GRK7: variants seen among roughly 807,000 people sequenced by gnomAD.
The protein encoded by GRK7 is G protein-coupled receptor kinase 7, also known as rhodopsin kinase GRK7.
In GRK7, 24 loss-of-function variants were observed where a neutral mutation model predicts 34.1. The ratio of observed to expected loss-of-function variants is 0.70; its 90% CI spans 0.51 to 0.99. The LOEUF (loss-of-function observed/expected upper bound fraction) is 0.99, where lower values mean the gene tolerates loss of function less well. Among genes scored for constraint, GRK7 ranks in the 50% least tolerant of loss-of-function variants. GRK7 has a pLI of 0.00. For synonymous variants in GRK7, 256 were observed against 279.4 expected (o/e 0.92, Z 0.84); for missense variants, 644 against 707.3 (o/e 0.91, Z 1.02).
chr3:141,816,962 G>A lies in GRK7; in HGVS notation c.1574G>A (p.Gly525Glu), dbSNP rs1176959843. The change falls in exon 6 of 6, where the codon GGA becomes GAA. Residue 525 changes from glycine (G) to glutamate (E), a missense_variant. Gly to Glu is a moderately conservative substitution (Grantham distance 98, BLOSUM62 -2). Coordinates refer to ENST00000682958, the MANE Select transcript of GRK7 (RefSeq NM_139209.3). ...TGGCAGGAAGAAATTATAGAAACGG[G>A]ACTGTTTGAGGAACTGAATGACCCC... The part of the protein sequence containing the change: ...IAWQEEIIET[G>E]LFEELNDPNR... 33 of 1,614,002 alleles carry A rather than the reference G, an allele frequency of 2.0e-5. No homozygotes were observed. Among genetic ancestry groups the A allele is most frequent in the Non-Finnish European group, 2.6e-5 (31 of 1,180,008 alleles).
At chr3:141,795,727 C>T (rs1054695348) in intron 4 of GRK7, among the ~76,000 whole-genome samples, 2 of 151,858 alleles carry the variant, frequency 1.3e-5, no homozygotes, top group Non-Finnish European at 2.9e-5. Flanking sequence ...ATTACTTGAG[C>T]CTAGCAGATG....
At chr3:141,773,616 G>A (rs1001511445) in intron 1 of GRK7, among the ~76,000 whole-genome samples, 12 of 152,154 alleles carry the variant, frequency 7.9e-5, no homozygotes, top group Non-Finnish European at 8.8e-5. Context: ...GGGTTTCACC[G>A]TGTTAGCCAG....
chr3:141,782,203 T>C (rs952497165), intron 4 of GRK7, among the ~76,000 whole-genome samples: 8 of 152,158 alleles, frequency 5.3e-5, no homozygotes, highest in African/African-American at 7.2e-5. Flanking sequence ...AGATGGTAGG[T>C]GGGGACATCA....
chr3:141,796,057 A>T (rs370815178), intron 4 of GRK7, among the ~76,000 whole-genome samples: 6 of 152,334 alleles, frequency 3.9e-5, no homozygotes, highest in African/African-American at 1.4e-4. Flanking sequence ...GATCATGCGC[A>T]GCTGATGAAA....
chr3:141,798,693 AG>A (rs1417329047), intron 4 of GRK7, among the ~76,000 whole-genome samples: 3 of 152,192 alleles, frequency 2.0e-5, no homozygotes, highest in Non-Finnish European at 4.4e-5. Context: ...TACTCTGAGG[AG>A]GCAGTTCACA....
intron 4 of GRK7, among the ~76,000 whole-genome samples, chr3:141,804,855 A>G (rs1346749440): frequency 6.6e-6 from 1 of 151,670 alleles, no homozygotes; most frequent in Non-Finnish European, 1.5e-5. Context: ...ATACACATAC[A>G]CGCTCTCATA....
At chr3:141,781,326 C>T (rs567641130) in intron 4 of GRK7, among the ~76,000 whole-genome samples, 2 of 152,120 alleles carry the variant, frequency 1.3e-5, no homozygotes, top group South Asian at 4.1e-4. Flanking sequence ...CTGCTGAGGT[C>T]AGGAGTTTGA....
chr3:141,772,505 T>C (rs1320797898), intron 1 of GRK7, among the ~76,000 whole-genome samples: 3 of 152,252 alleles, frequency 2.0e-5, no homozygotes. Context: ...ACTTCCTAAT[T>C]CTTGATCTTC....
rs796539386 is a variant in GRK7 at position 141,789,663 on chromosome 3, A to AAAAAAAAACAAAAAAAC, written c.1050+8859_1050+8860insACAAAAAAACAAAAAAA. 1.2e-4 allele frequency among the ~76,000 whole-genome samples: 17 copies of AAAAAAAAACAAAAAAAC among 146,872 alleles called. No homozygotes were observed. In the South Asian group the frequency reaches 1.3e-3, roughly 11 times the overall value. ...GACTGGATGCCAAATGGGCAAAAAA[A>AAAAAAAAACAAAAAAAC]AAAAAAACACAAAACAGTGGAGGCC... On this transcript the variant is annotated intron_variant, in intron 4 of 5. Transcript: ENST00000682958.
the GRK7 span, among the ~76,000 whole-genome samples, chr3:141,755,532 A>G: frequency 6.6e-6 from 1 of 152,238 alleles, no homozygotes; most frequent in African/African-American, 2.4e-5. Context: ...AAAAGAATTG[A>G]AAAGATGTTT....
chr3:141,812,768 T>C (rs1173622604), intron 5 of GRK7, among the ~76,000 whole-genome samples: 1 of 152,194 alleles, frequency 6.6e-6, no homozygotes, highest in African/African-American at 2.4e-5. Context: ...ATGTAAAGAC[T>C]GGTCTGGCAA....
chr3:141,755,273 T>G, the GRK7 span, among the ~76,000 whole-genome samples: 1 of 152,112 alleles, frequency 6.6e-6, no homozygotes, highest in Non-Finnish European at 1.5e-5. Flanking sequence ...GAGGCTCTGG[T>G]GGAAGGATCA....
intron 2 of GRK7, among the ~76,000 whole-genome samples, chr3:141,777,925 C>A (rs2084647965): frequency 6.6e-6 from 1 of 152,140 alleles, no homozygotes; most frequent in Non-Finnish European, 1.5e-5. Flanking sequence ...AATTAGATGA[C>A]AACGGTATGA....
intron 4 of GRK7, among the ~76,000 whole-genome samples, chr3:141,790,088 G>A (rs969887622): frequency 2.1e-4 from 32 of 152,238 alleles, no homozygotes; most frequent in African/African-American, 6.7e-4. Flanking sequence ...TGCAACCTCC[G>A]TCTCCCAGGT....
Position 141,803,104 on chromosome 3 carries a change from A to G in GRK7, c.1051-4541A>G, listed in dbSNP as rs536908522. 2.6e-5 allele frequency among the ~76,000 whole-genome samples: 4 copies of G among 152,268 alleles called. No homozygotes were observed. The South Asian group carries it at 8.3e-4, about 32-fold the overall frequency. On this transcript the variant is annotated intron_variant, in intron 4 of 5. Coordinates refer to ENST00000682958, the MANE Select transcript of GRK7 (RefSeq NM_139209.3). Reference sequence around the variant, plus strand: ...ACATTTTTAACAGCTTTACTGAGATATAATTTAACTACTATAAAAACCATG... The same window carrying G: ...ACATTTTTAACAGCTTTACTGAGATGTAATTTAACTACTATAAAAACCATG...
In GRK7 at chr3:141,778,650, G is replaced by T. The variant is rs200056259; in HGVS notation, c.366G>T (p.Pro122=). The T allele has an allele frequency of 6.2e-7, 1 of 1,613,158 alleles. No homozygotes were observed. The highest frequency in any genetic ancestry group is 1.1e-5 in the South Asian group (1 of 90,934). Residue 122 remains proline (P), a synonymous_variant, in exon 3 of 6, where the codon CCG becomes CCT. Coordinates refer to ENST00000682958, the MANE Select transcript of GRK7 (RefSeq NM_139209.3). The surrounding 1 kb of genome is among the most constrained non-coding windows in gnomAD (Gnocchi z 4.1). ...CGAGTGCCCCTGCCCCGGGGAACCC[G>T]CAACCCTTCCTCAGCCAGGCCGTGG... ...TCASAPAPGN[P]QPFLSQAVAT... is the part of the protein sequence containing the mutation.
intron 5 of GRK7, among the ~76,000 whole-genome samples, chr3:141,814,458 T>A (rs1711126862): frequency 6.6e-6 from 1 of 152,214 alleles, no homozygotes. Context: ...CTCCCACTTA[T>A]AAGTGAAAAC....
In GRK7 at chr3:141,816,698, T is replaced by A. The variant is rs1477880689; in HGVS notation, c.1326-16T>A. ...TGTTAACTCTGTCTCAGGCTGATCA[T>A]CTCCTTTCTTCACAGAGAAAAGTCT... On this transcript the variant is annotated splice_polypyrimidine_tract_variant and intron_variant, in intron 5 of 5. Coordinates refer to ENST00000682958, the MANE Select transcript of GRK7 (RefSeq NM_139209.3). The A allele has an allele frequency of 1.4e-6, 2 of 1,480,752 alleles. No homozygotes were observed. The highest frequency in any genetic ancestry group is 1.8e-6 in the Non-Finnish European group (2 of 1,101,568). The allele number at this position is 1,480,752 out of a possible 1,614,324, so 91.7% of individuals were successfully genotyped here. A position where few individuals can be genotyped will look rare whatever the true frequency, so the allele number is the denominator to read the frequency against.
In GRK7 at chr3:141,790,618, C is replaced by T. The variant is rs556519965; in HGVS notation, c.1050+9807C>T. 2.7e-5 allele frequency among the ~76,000 whole-genome samples: 4 copies of T among 149,258 alleles called. No homozygotes were observed. In the South Asian group the frequency reaches 8.4e-4, roughly 31 times the overall value. On this transcript the variant is annotated intron_variant, in intron 4 of 5. Coordinates refer to ENST00000682958, the MANE Select transcript of GRK7 (RefSeq NM_139209.3). Reference sequence around the variant, plus strand: ...TTGCTCTGTTGCCCAGGCTGGAGTGCAATGGCACAATCTTGGCTCACTGCG... The same window carrying T: ...TTGCTCTGTTGCCCAGGCTGGAGTGTAATGGCACAATCTTGGCTCACTGCG...
Sources: gnomAD v4.1 joint callset for allele counts (sites outside exome capture counted in the v4.1 genomes callset) on GRCh38, gnomAD v4.1.1 for gene constraint, Gnocchi (gnomAD v3.1) non-coding constraint, MANE v1.5 for transcripts, NCBI Gene and HGNC (gene_info 2026-07-23, HGNC 2026-07-21) for gene names.